The following TANC2 variants were observed in gnomAD, a reference collection of about 807,000 sequenced individuals.
The protein encoded by TANC2 is protein TANC2.
TANC2 carries 26 observed loss-of-function variants against 210.5 expected under a neutral mutation model. The ratio of observed to expected loss-of-function variants is 0.12; its 90% CI spans 0.09 to 0.17. The LOEUF is 0.17. TANC2 is among the 10% of genes least tolerant of loss of function. TANC2 has a pLI of 1.00. For missense variants in TANC2, 2,129 were observed against 2,608.9 expected (o/e 0.82, Z 4.01); for synonymous variants, 931 against 967.1 (o/e 0.96, Z 0.69).
At chr17:63,011,033 C>T (rs771669881) in intron 2 of TANC2, among the ~76,000 whole-genome samples, 5 of 152,100 alleles carry the variant, frequency 3.3e-5, no homozygotes, top group Non-Finnish European at 5.9e-5. Flanking sequence ...AGAAATCAGA[C>T]GGTAAGGCTG....
At chr17:63,202,010 A>G (rs187056226) in intron 7 of TANC2, among the ~76,000 whole-genome samples, 7 of 152,266 alleles carry the variant, frequency 4.6e-5, no homozygotes, top group South Asian at 2.1e-4. Flanking sequence ...AGAAAATATT[A>G]AAGTATTGTG....
rs75689810 is a variant in TANC2 at position 63,066,503 on chromosome 17, T to C, written c.68-7440T>C. ...GTGGTGACCAGGGCACAAAAAGAGA[T>C]ATCTACAGTGGAAGCCCTCTAAATC... On this transcript the variant is annotated intron_variant, in intron 2 of 27. Coordinates refer to ENST00000689528, the Ensembl canonical transcript of TANC2. Among the ~76,000 whole-genome samples, 51 of 152,152 alleles carry C rather than the reference T, an allele frequency of 3.4e-4. No homozygotes were observed. The East Asian group carries it at 8.5e-3, about 25-fold the overall frequency.
intron 14 of TANC2, among the ~76,000 whole-genome samples, chr17:63,369,366 G>C (rs2047198330): frequency 6.6e-6 from 1 of 152,056 alleles, no homozygotes; most frequent in Non-Finnish European, 1.5e-5. Context: ...TCAGCTAGCT[G>C]TGAGTTTGAA....
chr17:63,122,587 C>A (rs764232125), intron 4 of TANC2, among the ~76,000 whole-genome samples: 8 of 151,870 alleles, frequency 5.3e-5, no homozygotes, highest in African/African-American at 1.9e-4. Flanking sequence ...AAATACAAAA[C>A]TTAGCCAGGC....
At chr17:63,197,405 T>C (rs912383895) in intron 6 of TANC2, among the ~76,000 whole-genome samples, 4 of 152,172 alleles carry the variant, frequency 2.6e-5, no homozygotes, top group African/African-American at 4.8e-5. Context: ...AATTGATCAT[T>C]TGAATTTCTG....
At chr17:63,018,354 G>A (rs958025885) in intron 2 of TANC2, among the ~76,000 whole-genome samples, 6 of 151,494 alleles carry the variant, frequency 4.0e-5, no homozygotes, top group African/African-American at 9.7e-5. Context: ...GCTGGCACAC[G>A]CCTGTAATCC....
At chr17:63,107,217 A>G (rs1386409448) in intron 4 of TANC2, among the ~76,000 whole-genome samples, 1 of 151,698 alleles carries the variant, frequency 6.6e-6, no homozygotes, top group Non-Finnish European at 1.5e-5. Context: ...CCTTATAAAG[A>G]CAAAGTTATC....
At chr17:63,167,561 A>G (rs144793978) in intron 5 of TANC2, among the ~76,000 whole-genome samples, 5 of 152,268 alleles carry the variant, frequency 3.3e-5, no homozygotes, top group African/African-American at 1.2e-4. Context: ...AACTGATGAA[A>G]TGTATTAATT....
intron 6 of TANC2, among the ~76,000 whole-genome samples, chr17:63,197,296 T>G (rs2041377471): frequency 6.6e-6 from 1 of 152,130 alleles, no homozygotes; most frequent in Admixed American, 6.6e-5. Context: ...TTGTTAAGCT[T>G]TATACAAATT....
chr17:63,418,178 G>C lies in TANC2; in HGVS notation c.4168-129G>C. 1.1e-6 allele frequency: 1 copy of C among 939,154 alleles called. No individual in the cohort carries two copies. Among genetic ancestry groups the C allele is most frequent in the Non-Finnish European group, 1.6e-6 (1 of 624,988 alleles). The allele number at this position is 939,154 out of a possible 1,614,324, so 58.2% of individuals were successfully genotyped here. A position where few individuals can be genotyped will look rare whatever the true frequency, so the allele number is the denominator to read the frequency against. On this transcript the variant is annotated intron_variant, in intron 26 of 27. Transcript: ENST00000689528. The surrounding 1 kb of genome is among the most constrained non-coding windows in gnomAD (Gnocchi z 4.6). ...AGGCCACGCGGCTTGAGCCATGTCA[G>C]GCACGTCTAGCGTCCCAGGCGTTCC...
chr17:63,419,966 C>T, intron 27 of TANC2, 33 bp from the exon 28 acceptor site: 2 of 1,505,846 alleles, frequency 1.3e-6, no homozygotes, highest in African/African-American at 2.8e-5. Flanking sequence ...TTCAGAATAA[C>T]TCCAGTTCCT....
chr17:63,015,172 G>A (rs1598256514), intron 2 of TANC2, among the ~76,000 whole-genome samples: 2 of 151,790 alleles, frequency 1.3e-5, no homozygotes, highest in East Asian at 3.9e-4. Context: ...AATCAACGTA[G>A]TCTTTAGTTT....
chr17:63,240,802 C>G (rs537248086), intron 8 of TANC2, among the ~76,000 whole-genome samples: 35 of 152,340 alleles, frequency 2.3e-4, no homozygotes, highest in Non-Finnish European at 4.4e-4. Context: ...AATACTTCCT[C>G]CTTCATGAAA....
At chr17:63,171,871 A>G (rs910872241) in intron 5 of TANC2, among the ~76,000 whole-genome samples, 2 of 152,234 alleles carry the variant, frequency 1.3e-5, no homozygotes, top group South Asian at 2.1e-4. Flanking sequence ...TATTTGTTTT[A>G]CATAGTTTCT....
intron 4 of TANC2, among the ~76,000 whole-genome samples, chr17:63,105,124 C>G (rs545406189): frequency 6.6e-6 from 1 of 151,756 alleles, no homozygotes; most frequent in Non-Finnish European, 1.5e-5. Flanking sequence ...GAAACAATTA[C>G]GCTAAGTCAG....
At chr17:63,297,969 G>A (rs1179185066) in intron 9 of TANC2, among the ~76,000 whole-genome samples, 1 of 152,054 alleles carries the variant, frequency 6.6e-6, no homozygotes, top group African/African-American at 2.4e-5. Flanking sequence ...AACATCATCA[G>A]TCATTAGGGA....
At chr17:63,342,291 CT>C (rs1326478650) in intron 12 of TANC2, among the ~76,000 whole-genome samples, 7 of 152,048 alleles carry the variant, frequency 4.6e-5, no homozygotes, top group Admixed American at 4.6e-4. Flanking sequence ...ATAAGAATTA[CT>C]TTTGTACTTA....
At chr17:63,018,489 AAAAT>A (rs975245136) in intron 2 of TANC2, among the ~76,000 whole-genome samples, 2 of 151,576 alleles carry the variant, frequency 1.3e-5, no homozygotes, top group African/African-American at 4.8e-5. Context: ...TCAAAAAAAA[AAAAT>A]AAATAAATAA....
chr17:63,114,741 T>C (rs1270687617), intron 4 of TANC2, among the ~76,000 whole-genome samples: 1 of 152,090 alleles, frequency 6.6e-6, no homozygotes, highest in Non-Finnish European at 1.5e-5. Context: ...GAAAAAAGAA[T>C]AAAAATAAAA....
Sources: gnomAD v4.1 joint callset for allele counts (sites outside exome capture counted in the v4.1 genomes callset) on GRCh38, gnomAD v4.1.1 for gene constraint, Gnocchi (gnomAD v3.1) non-coding constraint, MANE v1.5 for transcripts, NCBI Gene and HGNC (gene_info 2026-07-23, HGNC 2026-07-21) for gene names.